The following FERMT2 variants were observed in gnomAD, a reference collection of about 807,000 sequenced individuals.
FERMT2 encodes fermitin family homolog 2.
Under a neutral mutation model 82.7 loss-of-function variants are expected in FERMT2, and 15 were observed. The observed-to-expected ratio is 0.18, with a 90% CI of 0.12 to 0.28. The LOEUF (loss-of-function observed/expected upper bound fraction) is 0.28, where lower values mean the gene tolerates loss of function less well. FERMT2 is among the 10% of genes least tolerant of loss of function. The pLI is 1.00. For missense variants in FERMT2, 645 were observed against 809.4 expected, an observed-to-expected ratio of 0.80 and a Z score of 2.46; for synonymous variants, 274 against 271.5, an observed-to-expected ratio of 1.01 and a Z score of -0.09.
chr14:52,916,123 C>A (rs1451636982), intron 3 of FERMT2, among the ~76,000 whole-genome samples: 1 of 152,030 alleles, frequency 6.6e-6, no homozygotes, highest in Non-Finnish European at 1.5e-5. Context: ...GTGGGTGGAT[C>A]GCCTGAGGTC....
At chr14:52,918,265 T>C (rs1888734502) in intron 3 of FERMT2, among the ~76,000 whole-genome samples, 1 of 151,998 alleles carries the variant, frequency 6.6e-6, no homozygotes, top group Non-Finnish European at 1.5e-5. Context: ...AAAATACATA[T>C]AAAATGCTCC....
chr14:52,867,193 G>T (rs1885337996), intron 10 of FERMT2, among the ~76,000 whole-genome samples: 1 of 150,414 alleles, frequency 6.6e-6, no homozygotes, highest in Non-Finnish European at 1.5e-5. Flanking sequence ...ACCTGCCTTG[G>T]TCTCCCAAAA....
chr14:52,885,767 G>A (rs1256650628), intron 4 of FERMT2, among the ~76,000 whole-genome samples: 2 of 151,930 alleles, frequency 1.3e-5, no homozygotes, highest in Non-Finnish European at 2.9e-5. Flanking sequence ...TTTAAAAAGA[G>A]TACTAAAGTA....
chr14:52,871,234 T>C (rs766018103), intron 10 of FERMT2, among the ~76,000 whole-genome samples: 11 of 152,286 alleles, frequency 7.2e-5, no homozygotes, highest in African/African-American at 2.4e-4. Flanking sequence ...CTAAGTCTCA[T>C]TGGAAATGAG....
intron 2 of FERMT2, among the ~76,000 whole-genome samples, chr14:52,925,211 CTG>C (rs1214330741): frequency 6.6e-6 from 1 of 152,102 alleles, no homozygotes; most frequent in East Asian, 1.9e-4. Flanking sequence ...GGTACACCAA[CTG>C]AGAAGCATTT....
At chr14:52,890,612 T>TC (rs1166345692) in intron 4 of FERMT2, among the ~76,000 whole-genome samples, 1 of 150,282 alleles carries the variant, frequency 6.7e-6, no homozygotes, top group Non-Finnish European at 1.5e-5. Flanking sequence ...TATCCTCTTT[T>TC]TTTTTTTTTG....
intron 2 of FERMT2, among the ~76,000 whole-genome samples, chr14:52,937,272 T>C (rs567462014): frequency 6.6e-6 from 1 of 152,326 alleles, no homozygotes; most frequent in East Asian, 1.9e-4. Flanking sequence ...CAGTTTGTAG[T>C]ATAGTCTCTG....
chr14:52,881,274 G>C lies in FERMT2; in HGVS notation c.722C>G (p.Ala241Gly), dbSNP rs758738245. 6.2e-7 allele frequency: 1 copy of C among 1,613,870 alleles called. No individual in the cohort carries two copies. ...GTTGATTTTTGCTTTATCAAGAAGA[G>C]CTTGAGGCTTGAACATTTTTGCCAA... ...EILAKMFKPQ[A>G]LLDKAKINQG... Residue 241 changes from alanine to glycine, a missense_variant, in exon 5 of 15, where the codon GCT becomes GGT. Transcript: ENST00000341590.
At chr14:52,888,791 G>A (rs1278789660) in intron 4 of FERMT2, among the ~76,000 whole-genome samples, 1 of 152,156 alleles carries the variant, frequency 6.6e-6, no homozygotes, top group African/African-American at 2.4e-5. Flanking sequence ...ATTGATATGG[G>A]ATGACTCTGA....
chr14:52,912,326 T>C (rs1888365005), intron 3 of FERMT2, among the ~76,000 whole-genome samples: 1 of 152,154 alleles, frequency 6.6e-6, no homozygotes, highest in African/African-American at 2.4e-5. Flanking sequence ...TACCACTCAT[T>C]AAGACCCTCT....
intron 5 of FERMT2, 49 bp downstream of exon 5, chr14:52,881,195 C>T (rs1475326625): frequency 2.5e-6 from 4 of 1,594,896 alleles, no homozygotes; most frequent in South Asian, 2.2e-5. Flanking sequence ...AATATTTCTA[C>T]CTCTAGCTGG....
chr14:52,862,145 AC>A (rs1440069713), intron 12 of FERMT2: 1 of 151,916 alleles, frequency 6.6e-6, no homozygotes, highest in African/African-American at 2.4e-5. Context: ...GCTCACTGCA[AC>A]CTCCACCTCC....
At chr14:52,901,224 T>G (rs1887620300) in intron 3 of FERMT2, among the ~76,000 whole-genome samples, 1 of 128,412 alleles carries the variant, frequency 7.8e-6, no homozygotes, top group Admixed American at 9.9e-5. Context: ...GAGCTTGCAG[T>G]GAGCCGAGAT....
At chr14:52,901,884 T>C (rs546449422) in intron 3 of FERMT2, among the ~76,000 whole-genome samples, 1 of 152,320 alleles carries the variant, frequency 6.6e-6, no homozygotes, top group East Asian at 1.9e-4. Context: ...GATAAATTCG[T>C]GTTGTTTCAG....
chr14:52,925,109 C>A (rs560390314), intron 2 of FERMT2, among the ~76,000 whole-genome samples: 170 of 152,302 alleles, frequency 1.1e-3, no homozygotes, highest in Admixed American at 3.3e-3. Flanking sequence ...ACACAATTGG[C>A]TCTGCTCAGA....
At chr14:52,896,974 G>A (rs895359355) in intron 3 of FERMT2, among the ~76,000 whole-genome samples, 1 of 149,716 alleles carries the variant, frequency 6.7e-6, no homozygotes, top group African/African-American at 2.5e-5. Flanking sequence ...GCGTGACAGA[G>A]CAAGACCATC....
At chr14:52,858,620 T>G (rs1385254072) in intron 14 of FERMT2, 70 bp from the exon 15 acceptor site, 1 of 1,423,902 alleles carries the variant, frequency 7.0e-7, no homozygotes, top group Non-Finnish European at 9.8e-7. Context: ...AAAACTACTG[T>G]GCTACTTAAA....
chr14:52,919,922 TAAA>T (rs376259174), intron 2 of FERMT2, among the ~76,000 whole-genome samples: 1 of 152,036 alleles, frequency 6.6e-6, no homozygotes, highest in East Asian at 1.9e-4. Context: ...AATAAAAAAA[TAAA>T]AAACTACATT....
At chr14:52,938,454 T>C (rs750642095) in intron 2 of FERMT2, among the ~76,000 whole-genome samples, 1 of 152,202 alleles carries the variant, frequency 6.6e-6, no homozygotes, top group Non-Finnish European at 1.5e-5. Context: ...CCAAAACAAG[T>C]AAACTAAAGC....
Sources: gnomAD v4.1 joint callset for allele counts (sites outside exome capture counted in the v4.1 genomes callset) on GRCh38, gnomAD v4.1.1 for gene constraint, MANE v1.5 for transcripts, NCBI Gene and HGNC (gene_info 2026-07-23, HGNC 2026-07-21) for gene names.